TBCEL: variants seen among roughly 807,000 people sequenced by gnomAD.
TBCEL encodes the protein tubulin folding cofactor E like.
A neutral mutation model predicts 44.2 loss-of-function variants in TBCEL; 15 were observed. That is an observed-to-expected ratio of 0.34 (90% CI 0.23 to 0.52). TBCEL has a LOEUF of 0.52. Ranked by LOEUF, TBCEL falls within the 20% of genes least tolerant of loss-of-function variation. The probability of loss-of-function intolerance (pLI) is 0.95; values close to 1 mark genes in which losing one functional copy is unlikely to be tolerated. For missense variants in TBCEL, 319 were observed against 506.3 expected (o/e 0.63, Z 3.55); for synonymous variants, 171 against 185.4 (o/e 0.92, Z 0.63).
At chr11:121,028,493 T>C (rs1189917479) in intron 1 of TBCEL, among the ~76,000 whole-genome samples, 3 of 152,196 alleles carry the variant, frequency 2.0e-5, no homozygotes, top group African/African-American at 4.8e-5. Flanking sequence ...TAGATTTGAG[T>C]CCTGGCTCTG....
Position 121,087,066 on chromosome 11 carries a change from T to C in TBCEL, c.1245T>C (p.Asp415=), listed in dbSNP as rs1386969035. Reference sequence around the variant, plus strand: ...ATTCCTTTGGCATTAGGGATGGAGATAAAATTTACGTGGAATCCAAAACAA... The same window carrying C: ...ATTCCTTTGGCATTAGGGATGGAGACAAAATTTACGTGGAATCCAAAACAA... ...ALHSFGIRDG[D]KIYVESKTK Residue 415 remains aspartate (D), a synonymous_variant, in exon 9 of 9, where the codon GAT becomes GAC. Coordinates refer to ENST00000683345, the MANE Select transcript of TBCEL (RefSeq NM_001363644.2). 5 of 1,613,594 alleles carry C rather than the reference T, an allele frequency of 3.1e-6. No homozygotes were observed. Among genetic ancestry groups the C allele is most frequent in the Non-Finnish European group, 4.2e-6 (5 of 1,179,866 alleles).
At chr11:121,031,405 G>A (rs1028386201) in intron 1 of TBCEL, among the ~76,000 whole-genome samples, 1 of 152,086 alleles carries the variant, frequency 6.6e-6, no homozygotes, top group Non-Finnish European at 1.5e-5. Context: ...ATCTCATTGA[G>A]ATTTTAATTT....
At position 121,088,945 on chromosome 11, in the gene TBCEL, A is replaced by C. The variant is rs927245156; in HGVS notation, c.*1849A>C. ...TCATAAAAATGAGCAATGGAGATCC[A>C]GGCTGGGTATAGACAAGAATAATTA... On this transcript the variant is annotated 3_prime_UTR_variant, in exon 9 of 9. Transcript: ENST00000683345. The C allele has an allele frequency of 6.6e-6, 1 of 152,196 alleles. No individual in the cohort carries two copies. Among genetic ancestry groups the C allele is most frequent in the Non-Finnish European group, 1.5e-5 (1 of 68,018 alleles). The allele number at this position is 152,196 out of a possible 1,614,324, so 9.4% of individuals were successfully genotyped here.
At chr11:121,064,919 C>T (rs1404247418) in intron 8 of TBCEL, among the ~76,000 whole-genome samples, 2 of 152,016 alleles carry the variant, frequency 1.3e-5, no homozygotes, top group African/African-American at 4.8e-5. Context: ...CTCTGCCTCC[C>T]GGGTTCACAC....
chr11:121,045,205 C>T (rs1344360629), intron 2 of TBCEL, among the ~76,000 whole-genome samples: 1 of 152,086 alleles, frequency 6.6e-6, no homozygotes, highest in Non-Finnish European at 1.5e-5. Flanking sequence ...CACTCATTCC[C>T]AAATACAGTT....
chr11:121,069,644 TAGTC>T (rs1016648644), intron 8 of TBCEL, among the ~76,000 whole-genome samples: 5 of 151,836 alleles, frequency 3.3e-5, no homozygotes, highest in Admixed American at 6.6e-5. Context: ...TACAAAAAAT[TAGTC>T]AGGCGTGGTG....
At chr11:121,043,291 T>C (rs1359677156) in intron 2 of TBCEL, among the ~76,000 whole-genome samples, 1 of 152,136 alleles carries the variant, frequency 6.6e-6, no homozygotes, top group Non-Finnish European at 1.5e-5. Context: ...TGCCTGATGC[T>C]ATGAATTGAT....
Position 121,047,582 on chromosome 11 carries a change from C to G in TBCEL, c.188C>G (p.Ala63Gly), listed in dbSNP as rs1485362562. The stretch of plus-strand genomic sequence containing the variant: ...TTGAACAGCTGTGGAATAACCTGTG[C>G]AGGAGATGAAAAAGAAATTGCTGCT... The part of the protein sequence containing the change: ...LVLNSCGITC[A>G]GDEKEIAAFC... Residue 63 changes from alanine (A) to glycine (G), a missense_variant, in exon 4 of 9, where the codon GCA becomes GGA. Coordinates refer to ENST00000683345, the MANE Select transcript of TBCEL (RefSeq NM_001363644.2). 3.7e-6 allele frequency: 6 copies of G among 1,612,750 alleles called. No individual in the cohort carries two copies.
At chr11:121,077,243 A>G (rs1482820692) in intron 8 of TBCEL, among the ~76,000 whole-genome samples, 1 of 151,834 alleles carries the variant, frequency 6.6e-6, no homozygotes, top group African/African-American at 2.4e-5. Flanking sequence ...AGAATTTATC[A>G]GTGAAGCCAT....
At chr11:121,046,158 A>ATAGCCTAATTGG in intron 3 of TBCEL, among the ~76,000 whole-genome samples, 1 of 152,148 alleles carries the variant, frequency 6.6e-6, no homozygotes, top group Non-Finnish European at 1.5e-5. Context: ...TTTACAAGAC[A>ATAGCCTAATTGG]TTCACATTTA....
intron 5 of TBCEL, among the ~76,000 whole-genome samples, chr11:121,054,344 T>C (rs1252653529): frequency 6.6e-6 from 1 of 151,908 alleles, no homozygotes; most frequent in African/African-American, 2.4e-5. Context: ...AATTTCACAC[T>C]CTTCATCTTA....
At chr11:121,045,910 A>G in intron 3 of TBCEL, 87 bp downstream of exon 3, 4 of 1,349,276 alleles carry the variant, frequency 3.0e-6, no homozygotes, top group Non-Finnish European at 3.9e-6. Context: ...CAAATGATTT[A>G]TTTTATTTTT....
chr11:121,030,403 G>A (rs2134876873), intron 1 of TBCEL, among the ~76,000 whole-genome samples: 1 of 152,304 alleles, frequency 6.6e-6, no homozygotes, highest in East Asian at 1.9e-4. Context: ...CTTAAATTTT[G>A]AAAAGATCAC....
At chr11:121,084,554 T>C (rs919560620) in intron 8 of TBCEL, among the ~76,000 whole-genome samples, 6 of 152,210 alleles carry the variant, frequency 3.9e-5, no homozygotes, top group Non-Finnish European at 8.8e-5. Flanking sequence ...ATCTTGCTTG[T>C]GCTTGAAGTG....
chr11:121,040,024 A>C (rs1195272361), intron 2 of TBCEL, among the ~76,000 whole-genome samples: 1 of 152,160 alleles, frequency 6.6e-6, no homozygotes, highest in East Asian at 1.9e-4. Flanking sequence ...TTTCTTGAAG[A>C]TTTAGCCCCA....
At chr11:121,038,178 G>C (rs1161577101) in intron 2 of TBCEL, among the ~76,000 whole-genome samples, 1 of 152,002 alleles carries the variant, frequency 6.6e-6, no homozygotes, top group African/African-American at 2.4e-5. Context: ...TGACCAGGCT[G>C]GTCTCGAACT....
chr11:121,069,801 G>A (rs879471678), intron 8 of TBCEL, among the ~76,000 whole-genome samples: 42 of 151,744 alleles, frequency 2.8e-4, no homozygotes, highest in Non-Finnish European at 4.0e-4. Context: ...AAAAAAAAAA[G>A]TAGTTAATAA....
chr11:121,066,259 A>G (rs901158654), intron 8 of TBCEL, among the ~76,000 whole-genome samples: 3 of 152,150 alleles, frequency 2.0e-5, no homozygotes, highest in Admixed American at 2.0e-4. Context: ...GCTGTTCTGT[A>G]TCTTGTGAAT....
chr11:121,085,055 C>G (rs1946190915), intron 8 of TBCEL, among the ~76,000 whole-genome samples: 1 of 151,028 alleles, frequency 6.6e-6, no homozygotes. Context: ...TATTATTTTT[C>G]TAAGATGGAG....
Sources: allele counts gnomAD v4.1 joint callset (sites outside exome capture counted in the v4.1 genomes callset), GRCh38; gene constraint gnomAD v4.1.1; transcripts MANE v1.5; gene names NCBI Gene and HGNC (gene_info 2026-07-23, HGNC 2026-07-21).